The following SLK variants were observed in gnomAD, a reference collection of about 807,000 sequenced individuals.
The protein encoded by SLK is STE20-like serine/threonine-protein kinase.
In SLK, 67 loss-of-function variants were observed where a neutral mutation model predicts 147.7. The observed-to-expected ratio is 0.45, with a 90% CI of 0.37 to 0.56. The LOEUF (loss-of-function observed/expected upper bound fraction) is 0.56, where lower values mean the gene tolerates loss of function less well. Among genes scored for constraint, SLK ranks in the 20% least tolerant of loss-of-function variants. SLK has a pLI of 0.00. For missense variants in SLK, 1,136 were observed against 1,438.8 expected, an observed-to-expected ratio of 0.79 and a Z score of 3.41; for synonymous variants, 441 against 475.0, an observed-to-expected ratio of 0.93 and a Z score of 0.93.
rs182700323 is a variant in SLK at position 103,972,256 on chromosome 10, A to G, written c.150+4361A>G. Among the ~76,000 whole-genome samples the G allele has an allele frequency of 1.2e-4, 19 of 152,352 alleles. No homozygotes were observed. The East Asian group carries it at 3.7e-3, about 29-fold the overall frequency. On this transcript the variant is annotated intron_variant, in intron 1 of 18. Transcript: ENST00000369755. ...CACAAAACGGTAGTTGCACATATACATGAGTTTCACTAAGAGTTAATCCAG... is the reference window on the plus strand; with the variant it reads ...CACAAAACGGTAGTTGCACATATACGTGAGTTTCACTAAGAGTTAATCCAG...
rs1431789532 is a variant in SLK at position 104,018,293 on chromosome 10, A to AT, written c.3007+11dup. 1.3e-6 allele frequency: 2 copies of AT among 1,596,726 alleles called. No homozygotes were observed. Among genetic ancestry groups the AT allele is most frequent in the South Asian group, 1.1e-5 (1 of 87,370 alleles). On this transcript the variant is annotated splice_donor_region_variant and intron_variant, in intron 14 of 18. Transcript: ENST00000369755. ...AACAAGCAACAGCTCATGAGAGGTA[A>AT]TTTTTTTAAAATTAAGAAATACTGC...
Position 104,002,190 on chromosome 10 carries a change from C to T in SLK, c.1012C>T (p.Arg338Cys), listed in dbSNP as rs761701370. Residue 338 changes from arginine to cysteine, a missense_variant, in exon 9 of 19, where the codon CGT becomes TGT. Arg to Cys is a radical substitution (Grantham distance 180). Around this residue, in one of 6 missense-constraint regions of SLK, gnomAD observed 516 missense variants for 531.3 expected, o/e 0.97. Coordinates refer to ENST00000369755, the MANE Select transcript of SLK (RefSeq NM_014720.4). ...ENSLPIPASK[R>C]ASSDLSIASS... ...TTTTTAGCCAATACCTGCAAGTAAG[C>T]GTGCATCTTCTGACCTTAGTATCGC... The T allele has an allele frequency of 4.6e-5, 72 of 1,580,440 alleles. No homozygotes were observed. The highest frequency in any genetic ancestry group is 5.8e-5 in the Non-Finnish European group (68 of 1,163,666).
rs745782081 is a variant in SLK, at chr10:104,002,611, A to G, written c.1433A>G (p.Gln478Arg). The change falls in exon 9 of 19, where the codon CAA becomes CGA. Residue 478 changes from glutamine (Q) to arginine (R), a missense_variant. Coordinates refer to ENST00000369755, the MANE Select transcript of SLK (RefSeq NM_014720.4). ...GAGGAAGAAAAGGATCAGGAAAAGC[A>G]ACAGATGTTTGAAAATAAGCTTATA... ...KSEEEKDQEKQQMFENKLIKS... is the reference protein window; with the variant it reads ...KSEEEKDQEKRQMFENKLIKS... 1 of 1,607,092 alleles carries G rather than the reference A, an allele frequency of 6.2e-7. No homozygotes were observed. Among genetic ancestry groups the G allele is most frequent in the Non-Finnish European group, 8.5e-7 (1 of 1,175,964 alleles).
intron 18 of SLK, among the ~76,000 whole-genome samples, chr10:104,024,943 C>T (rs1844578753): frequency 6.6e-6 from 1 of 152,312 alleles, no homozygotes; most frequent in South Asian, 2.1e-4. Context: ...CTCATCCCTT[C>T]TCAGAGGTCC....
intron 8 of SLK, 97 bp from the exon 9 acceptor site, chr10:104,002,075 C>T (rs1010999975): frequency 7.6e-6 from 7 of 921,632 alleles, no homozygotes; most frequent in Non-Finnish European, 1.1e-5. Flanking sequence ...GCAACATTTA[C>T]TGAATAAAGA....
chr10:103,984,605 G>T (rs1360165435), intron 1 of SLK, among the ~76,000 whole-genome samples: 3 of 152,188 alleles, frequency 2.0e-5, no homozygotes, highest in African/African-American at 4.8e-5. Context: ...GGTAGAGACA[G>T]TATTTCGCCA....
rs902591297 is a variant in SLK at position 104,006,118 on chromosome 10, GGTTGT to G, written c.2604+84_2604+88del. The G allele has an allele frequency of 1.9e-4, 261 of 1,396,900 alleles. No homozygotes were observed. In the African/African-American group the frequency reaches 3.4e-3, roughly 18 times the overall value. The allele number at this position is 1,396,900 out of a possible 1,614,324, so 86.5% of individuals were successfully genotyped here. On this transcript the variant is annotated intron_variant, in intron 11 of 18. Coordinates refer to ENST00000369755, the MANE Select transcript of SLK (RefSeq NM_014720.4). Reference sequence around the variant, plus strand: ...GCATTAAAAACAGACAAACAAAAAAGGTTGTAGAACTTGTTCTCTGATTGCCAGAT... The same window carrying G: ...GCATTAAAAACAGACAAACAAAAAAGAGAACTTGTTCTCTGATTGCCAGAT...
chr10:104,002,046 T>A, intron 8 of SLK, 126 bp from the exon 9 acceptor site: 2 of 767,926 alleles, frequency 2.6e-6, no homozygotes, highest in South Asian at 2.6e-5. Flanking sequence ...TGAGAAGAAT[T>A]GTTAATTCTT....
intron 15 of SLK, 113 bp from the exon 16 acceptor site, chr10:104,019,621 C>T (rs1844509242): frequency 1.1e-6 from 1 of 869,654 alleles, no homozygotes; most frequent in Non-Finnish European, 1.9e-6. Context: ...GTCACTGCAA[C>T]AAGGGAGAGG....
chr10:103,999,887 T>C lies in SLK; in HGVS notation c.803T>C (p.Phe268Ser). Residue 268 changes from phenylalanine (F) to serine (S), a missense_variant, in exon 7 of 19, where the codon TTT becomes TCT. Coordinates refer to ENST00000369755, the MANE Select transcript of SLK (RefSeq NM_014720.4). ...PSRWSSNFKDFLKKCLEKNVD... is the reference protein window; with the variant it reads ...PSRWSSNFKDSLKKCLEKNVD... ...TAAAGGTCTTCAAATTTTAAGGACT[T>C]TCTAAAGAAATGCTTAGAAAAGAAT... 6.5e-7 allele frequency: 1 copy of C among 1,531,742 alleles called. No homozygotes were observed. Among genetic ancestry groups the C allele is most frequent in the Non-Finnish European group, 9.0e-7 (1 of 1,114,894 alleles). The allele number at this position is 1,531,742 out of a possible 1,614,324, so 94.9% of individuals were successfully genotyped here. A position where few individuals can be genotyped will look rare whatever the true frequency, so the allele number is the denominator to read the frequency against.
intron 13 of SLK, among the ~76,000 whole-genome samples, chr10:104,015,057 TTTTG>T (rs1564662690): frequency 6.6e-6 from 1 of 152,196 alleles, no homozygotes; most frequent in African/African-American, 2.4e-5. Context: ...AACATTAACA[TTTTG>T]TTTGTTTTGA....
At chr10:103,969,516 G>A (rs748706211) in intron 1 of SLK, among the ~76,000 whole-genome samples, 5 of 152,198 alleles carry the variant, frequency 3.3e-5, no homozygotes, top group Non-Finnish European at 7.3e-5. Context: ...CTGCCTTAGC[G>A]TATAGTGATG....
chr10:104,016,709 T>C (rs967821772), intron 13 of SLK, among the ~76,000 whole-genome samples: 1 of 152,178 alleles, frequency 6.6e-6, no homozygotes, highest in African/African-American at 2.4e-5. Flanking sequence ...ACATGAACTG[T>C]GTCACCTCCA....
chr10:103,993,100 ATTCTC>A lies in SLK; in HGVS notation c.484_488del (p.Leu162TyrfsTer16). 6.2e-7 allele frequency: 1 copy of A among 1,610,708 alleles called. No individual in the cohort carries two copies. The highest frequency in any genetic ancestry group is 8.5e-7 in the Non-Finnish European group (1 of 1,178,048). On this transcript the variant is annotated frameshift_variant, in exon 4 of 19. Transcript: ENST00000369755. LOFTEE classifies it high-confidence loss of function. ...CCACAGAGATCTGAAGGCTGGCAAC[ATTCTC>A]TTTACCTTAGATGGAGATATCAAAT...
intron 4 of SLK, among the ~76,000 whole-genome samples, chr10:103,996,687 G>T (rs990198832): frequency 3.3e-5 from 5 of 152,224 alleles, no homozygotes; most frequent in Admixed American, 2.0e-4. Context: ...GAGCCACCGT[G>T]CCCGGCCTTC....
At chr10:103,984,602 A>G (rs549831394) in intron 1 of SLK, among the ~76,000 whole-genome samples, 1 of 152,158 alleles carries the variant, frequency 6.6e-6, no homozygotes, top group South Asian at 2.1e-4. Context: ...TTTGGTAGAG[A>G]CAGTATTTCG....
At chr10:104,019,531 C>G (rs1844507751) in intron 15 of SLK, among the ~76,000 whole-genome samples, 1 of 152,184 alleles carries the variant, frequency 6.6e-6, no homozygotes, top group African/African-American at 2.4e-5. Flanking sequence ...GTCAGCCTCC[C>G]AAAGTGCTGG....
intron 9 of SLK, among the ~76,000 whole-genome samples, chr10:104,005,207 A>C (rs1844308833): frequency 6.6e-6 from 1 of 152,208 alleles, no homozygotes; most frequent in Non-Finnish European, 1.5e-5. Context: ...ACAAATTGAA[A>C]AGATGAAAAA....
intron 15 of SLK, 36 bp downstream of exon 15, chr10:104,018,944 G>A (rs987948473): frequency 3.3e-5 from 50 of 1,535,006 alleles, no homozygotes; most frequent in Non-Finnish European, 4.3e-5. Flanking sequence ...TTTTTTGTTC[G>A]TTTTAAAGTT....
Sources: gnomAD v4.1 joint callset for allele counts (sites outside exome capture counted in the v4.1 genomes callset) on GRCh38, gnomAD v4.1.1 for gene constraint, gnomAD v4.1.1 regional missense constraint, MANE v1.5 for transcripts, NCBI Gene and HGNC (gene_info 2026-07-23, HGNC 2026-07-21) for gene names.